KCNIP4: variants seen among roughly 807,000 people sequenced by gnomAD.
KCNIP4 encodes the protein potassium voltage-gated channel interacting protein 4.
In KCNIP4, 12 loss-of-function variants were observed where a neutral mutation model predicts 34.0. That is an observed-to-expected ratio of 0.35 (90% CI 0.23 to 0.57). The LOEUF (loss-of-function observed/expected upper bound fraction) is 0.57, where lower values mean the gene tolerates loss of function less well. Ranked by LOEUF, KCNIP4 falls within the 20% of genes least tolerant of loss-of-function variation. The pLI, the probability that KCNIP4 is intolerant of heterozygous loss-of-function variation, is 0.83. For synonymous variants in KCNIP4, 124 were observed against 102.2 expected (o/e 1.21, Z -1.29); for missense variants, 238 against 311.7 (o/e 0.76, Z 1.78).
At chr4:21,128,991 GT>G (rs1286713665) in intron 1 of KCNIP4, among the ~76,000 whole-genome samples, 1 of 152,160 alleles carries the variant, frequency 6.6e-6, no homozygotes, top group Non-Finnish European at 1.5e-5. Context: ...TGTTGATATG[GT>G]TTGGCTGTGA....
At chr4:21,624,149 T>C (rs967815414) in intron 1 of KCNIP4, among the ~76,000 whole-genome samples, 1 of 152,112 alleles carries the variant, frequency 6.6e-6, no homozygotes, top group African/African-American at 2.4e-5. Context: ...AACTTCAAAT[T>C]CTGCCTCCAT....
intron 1 of KCNIP4, among the ~76,000 whole-genome samples, chr4:21,259,161 C>A (rs995071694): frequency 1.3e-5 from 2 of 152,150 alleles, no homozygotes; most frequent in African/African-American, 4.8e-5. Flanking sequence ...TGGCATTCAC[C>A]ACTTTTCCAC....
chr4:21,559,260 G>A (rs913373347), intron 1 of KCNIP4, among the ~76,000 whole-genome samples: 3 of 151,932 alleles, frequency 2.0e-5, no homozygotes, highest in South Asian at 2.1e-4. Context: ...CCTCTCTGTC[G>A]GGCTAGAGTG....
chr4:20,955,448 C>A (rs1291887527), intron 1 of KCNIP4, among the ~76,000 whole-genome samples: 4 of 152,156 alleles, frequency 2.6e-5, no homozygotes, highest in Non-Finnish European at 4.4e-5. Context: ...CTGCAACTAA[C>A]AGTCTGCCCT....
At chr4:21,224,403 C>T (rs559601972) in intron 1 of KCNIP4, among the ~76,000 whole-genome samples, 36 of 151,572 alleles carry the variant, frequency 2.4e-4, no homozygotes, top group Non-Finnish European at 4.9e-4. Context: ...ACCCTCATGA[C>T]CTAATTAAAT....
intron 1 of KCNIP4, among the ~76,000 whole-genome samples, chr4:21,032,441 T>C (rs1368281010): frequency 2.0e-5 from 3 of 152,146 alleles, no homozygotes; most frequent in Admixed American, 1.3e-4. Flanking sequence ...ATAACCCCTC[T>C]AATACCAAGC....
chr4:21,033,053 C>T (rs561088298), intron 1 of KCNIP4, among the ~76,000 whole-genome samples: 1 of 152,122 alleles, frequency 6.6e-6, no homozygotes, highest in Non-Finnish European at 1.5e-5. Context: ...AGGAGGCTTT[C>T]TTAGGAAGAA....
At chr4:21,152,900 C>T (rs557737148) in intron 1 of KCNIP4, among the ~76,000 whole-genome samples, 1 of 152,252 alleles carries the variant, frequency 6.6e-6, no homozygotes, top group African/African-American at 2.4e-5. Flanking sequence ...CAATCCCCAC[C>T]CCCCAACCCT....
intron 1 of KCNIP4, among the ~76,000 whole-genome samples, chr4:20,932,384 G>A (rs1730569827): frequency 2.9e-5 from 2 of 68,366 alleles, no homozygotes; most frequent in African/African-American, 1.4e-4. Context: ...GTCTATAACA[G>A]TCTAATATTG....
At chr4:21,577,810 T>C (rs1425891393) in intron 1 of KCNIP4, among the ~76,000 whole-genome samples, 3 of 152,306 alleles carry the variant, frequency 2.0e-5, no homozygotes, top group East Asian at 1.9e-4. Flanking sequence ...ATACCTTTCA[T>C]TCCTGGTGTC....
At position 20,988,380 on chromosome 4, in the gene KCNIP4, G is replaced by A. The variant is rs149670448; in HGVS notation, c.62-105671C>T. ...GTCTGTGAAAGAGAGAGGGTCAGTA[G>A]ACTTTACATTTCCTTGCCCCAATCC... On this transcript the variant is annotated intron_variant, in intron 1 of 8. Transcript: ENST00000382152. Among the ~76,000 whole-genome samples, 708 of 152,302 alleles carry A rather than the reference G, an allele frequency of 4.6e-3. 1 individual carries two copies. The highest frequency in any genetic ancestry group is 7.9e-3 in the Non-Finnish European group (538 of 68,028).
rs144357412 is a variant in KCNIP4 at position 21,326,672 on chromosome 4, C to T, written c.62-443963G>A. Among the ~76,000 whole-genome samples the T allele has an allele frequency of 4.3e-4, 65 of 150,386 alleles. No homozygotes were observed. In the East Asian group the frequency reaches 0.012, roughly 27 times the overall value. On this transcript the variant is annotated intron_variant, in intron 1 of 8. Transcript: ENST00000382152. ...ATTGATAAATAGAGACTTACCCCTG[C>T]CATTTTGTTATGTGTTTTCTGGTTG...
chr4:21,321,590 A>G (rs1467204538), intron 1 of KCNIP4, among the ~76,000 whole-genome samples: 2 of 152,000 alleles, frequency 1.3e-5, no homozygotes, highest in East Asian at 1.9e-4. Flanking sequence ...GAGGGGTAGG[A>G]GGAGGAAGAG....
chr4:21,775,982 CAGG>C (rs1719148625), intron 1 of KCNIP4, among the ~76,000 whole-genome samples: 1 of 152,170 alleles, frequency 6.6e-6, no homozygotes, highest in Admixed American at 6.5e-5. Context: ...CCCCTCACTC[CAGG>C]AGTTCAGTAG....
At chr4:21,513,339 C>A (rs1456252571) in intron 1 of KCNIP4, among the ~76,000 whole-genome samples, 3 of 152,162 alleles carry the variant, frequency 2.0e-5, no homozygotes, top group African/African-American at 7.2e-5. Context: ...GTTAAAGAAA[C>A]TTCCTGAAAA....
Position 20,920,291 on chromosome 4 carries a change from C to T in KCNIP4, c.62-37582G>A, listed in dbSNP as rs1729267074. Among the ~76,000 whole-genome samples, 3 of 152,112 alleles carry T rather than the reference C, an allele frequency of 2.0e-5. No homozygotes were observed. In the South Asian group the frequency reaches 6.2e-4, roughly 32 times the overall value. ...CTCACTGAACAATTCCTGGACAGCCCTGCCGATATGGACTAGGAAAAAATT... is the reference window on the plus strand; with the variant it reads ...CTCACTGAACAATTCCTGGACAGCCTTGCCGATATGGACTAGGAAAAAATT... On this transcript the variant is annotated intron_variant, in intron 1 of 8. Transcript: ENST00000382152.
chr4:21,136,464 G>T (rs762796119), intron 1 of KCNIP4, among the ~76,000 whole-genome samples: 7 of 152,152 alleles, frequency 4.6e-5, no homozygotes, highest in Non-Finnish European at 8.8e-5. Flanking sequence ...TCAGCAAATA[G>T]GCATTGGGTT....
At chr4:21,015,878 AAATATATAC>A (rs1437561513) in intron 1 of KCNIP4, among the ~76,000 whole-genome samples, 2 of 141,950 alleles carry the variant, frequency 1.4e-5, no homozygotes, top group Middle Eastern at 3.7e-3. Flanking sequence ...AAAAATATAT[AAATATATAC>A]AATATATACA....
intron 1 of KCNIP4, among the ~76,000 whole-genome samples, chr4:20,971,791 C>T (rs1734976773): frequency 6.6e-6 from 1 of 152,154 alleles, no homozygotes; most frequent in Admixed American, 6.5e-5. Flanking sequence ...TGAACTCTTC[C>T]TTTCACAAGA....
Sources: gnomAD v4.1 joint callset for allele counts (sites outside exome capture counted in the v4.1 genomes callset) on GRCh38, gnomAD v4.1.1 for gene constraint, MANE v1.5 for transcripts, NCBI Gene and HGNC (gene_info 2026-07-23, HGNC 2026-07-21) for gene names.